Variants in SMAD3 observed in about 807,000 individuals in gnomAD.
The protein encoded by SMAD3 is SMAD family member 3.
A neutral mutation model predicts 51.8 loss-of-function variants in SMAD3; 12 were observed. The ratio of observed to expected loss-of-function variants is 0.23; its 90% CI spans 0.15 to 0.38. The LOEUF (loss-of-function observed/expected upper bound fraction) is 0.38, where lower values mean the gene tolerates loss of function less well. Among genes scored for constraint, SMAD3 ranks in the 10% least tolerant of loss-of-function variants. The pLI, the probability that SMAD3 is intolerant of heterozygous loss-of-function variation, is 1.00. For synonymous variants in SMAD3, 238 were observed against 227.7 expected (o/e 1.05, Z -0.41); for missense variants, 294 against 565.6 (o/e 0.52, Z 4.87).
intron 1 of SMAD3, among the ~76,000 whole-genome samples, chr15:67,071,746 A>C (rs1960058887): frequency 1.3e-5 from 2 of 152,200 alleles, no homozygotes; most frequent in Non-Finnish European, 2.9e-5. Flanking sequence ...CAGGAGGCGG[A>C]GCTTGCAGTG....
chr15:67,131,089 C>T (rs1235686496), intron 1 of SMAD3, among the ~76,000 whole-genome samples: 1 of 152,236 alleles, frequency 6.6e-6, no homozygotes, highest in African/African-American at 2.4e-5. Flanking sequence ...TGGATTCATG[C>T]AGTCACTCAC....
chr15:67,069,862 C>A (rs904733218), intron 1 of SMAD3, among the ~76,000 whole-genome samples: 1 of 152,128 alleles, frequency 6.6e-6, no homozygotes, highest in Non-Finnish European at 1.5e-5. Context: ...CCCGCCACCA[C>A]GCCCAGCTAA....
intron 1 of SMAD3, among the ~76,000 whole-genome samples, chr15:67,072,602 G>A (rs1020465002): frequency 1.1e-4 from 17 of 152,210 alleles, no homozygotes; most frequent in African/African-American, 4.1e-4. Context: ...TGGCTGGCAA[G>A]AGAACTGCCC....
chr15:67,107,489 T>TG (rs1311355408), intron 1 of SMAD3, among the ~76,000 whole-genome samples: 3 of 151,738 alleles, frequency 2.0e-5, no homozygotes, highest in Non-Finnish European at 4.4e-5. Context: ...GCCCTCCTGA[T>TG]GCAGTCTGTG....
At chr15:67,128,667 G>A (rs1173846758) in intron 1 of SMAD3, among the ~76,000 whole-genome samples, 3 of 152,006 alleles carry the variant, frequency 2.0e-5, no homozygotes, top group Admixed American at 6.5e-5. Flanking sequence ...AAACCTCTGG[G>A]CTCAAGAGAT....
chr15:67,089,608 A>AGT (rs1237382873), intron 1 of SMAD3, among the ~76,000 whole-genome samples: 1 of 152,048 alleles, frequency 6.6e-6, no homozygotes, highest in East Asian at 1.9e-4. Context: ...GCCCATGGGG[A>AGT]GTGTGTGTGC....
At chr15:67,168,463 C>T (rs1415176769) in intron 4 of SMAD3, among the ~76,000 whole-genome samples, 4 of 152,218 alleles carry the variant, frequency 2.6e-5, no homozygotes, top group East Asian at 1.9e-4. Flanking sequence ...TCAGTGCAGG[C>T]GTGGGAAGCA....
chr15:67,122,286 G>T (rs1329174494), intron 1 of SMAD3, among the ~76,000 whole-genome samples: 1 of 152,130 alleles, frequency 6.6e-6, no homozygotes, highest in African/African-American at 2.4e-5. Flanking sequence ...TAGGCTTCAG[G>T]GACTCTTCAG....
chr15:67,080,716 T>A (rs989159050), intron 1 of SMAD3, among the ~76,000 whole-genome samples: 1 of 152,260 alleles, frequency 6.6e-6, no homozygotes, highest in African/African-American at 2.4e-5. Context: ...TGCCTTTTCT[T>A]TCTCTTTGAT....
chr15:67,190,389 C>G (rs754503092), intron 8 of SMAD3, 24 bp from the exon 9 acceptor site: 2 of 1,612,494 alleles, frequency 1.2e-6, no homozygotes, highest in South Asian at 2.2e-5. Flanking sequence ...TCCCCCACCC[C>G]ACCCCTTTCC....
chr15:67,115,171 G>A (rs1368960715), intron 1 of SMAD3, among the ~76,000 whole-genome samples: 1 of 152,106 alleles, frequency 6.6e-6, no homozygotes, highest in Non-Finnish European at 1.5e-5. Flanking sequence ...GACAATCTTT[G>A]AATTCCTGGA....
At chr15:67,102,917 C>T (rs1424413504) in intron 1 of SMAD3, among the ~76,000 whole-genome samples, 1 of 152,182 alleles carries the variant, frequency 6.6e-6, no homozygotes, top group Admixed American at 6.5e-5. Flanking sequence ...CTCCCCATTA[C>T]GTTTCCTGGG....
chr15:67,144,481 C>A (rs1961921562), intron 1 of SMAD3, among the ~76,000 whole-genome samples: 1 of 152,090 alleles, frequency 6.6e-6, no homozygotes, highest in African/African-American at 2.4e-5. Flanking sequence ...GTTTAGAATT[C>A]ATTTGGCCCT....
chr15:67,123,666 G>C (rs1483021993), intron 1 of SMAD3, among the ~76,000 whole-genome samples: 2 of 152,236 alleles, frequency 1.3e-5, no homozygotes, highest in Non-Finnish European at 2.9e-5. Context: ...CACTCAGATA[G>C]ACGGGATGCC....
At chr15:67,073,517 T>C (rs990756237) in intron 1 of SMAD3, among the ~76,000 whole-genome samples, 1 of 152,170 alleles carries the variant, frequency 6.6e-6, no homozygotes, top group South Asian at 2.1e-4. Context: ...CAGACCTTGG[T>C]AGGTTCTAGA....
At chr15:67,137,190 AG>A (rs779663760) in intron 1 of SMAD3, among the ~76,000 whole-genome samples, 12 of 152,280 alleles carry the variant, frequency 7.9e-5, no homozygotes, top group Non-Finnish European at 1.6e-4. Context: ...AAAAAGGACA[AG>A]GGTGTTTTTT....
chr15:67,183,515 G>A (rs1231061845), intron 6 of SMAD3, among the ~76,000 whole-genome samples: 1 of 152,152 alleles, frequency 6.6e-6, no homozygotes, highest in Non-Finnish European at 1.5e-5. Context: ...GAAAAAATGG[G>A]GAGTGGTTGG....
intron 1 of SMAD3, among the ~76,000 whole-genome samples, chr15:67,072,463 T>C (rs562248306): frequency 6.6e-6 from 1 of 152,368 alleles, no homozygotes; most frequent in African/African-American, 2.4e-5. Context: ...GTTTTCTTAA[T>C]CAGCAAGTCT....
chr15:67,086,925 C>T (rs1426938822), intron 1 of SMAD3, among the ~76,000 whole-genome samples: 3 of 148,378 alleles, frequency 2.0e-5, no homozygotes, highest in East Asian at 3.9e-4. Context: ...GACGGAGTTT[C>T]GCTCTTGTTG....
Sources: gnomAD v4.1 joint callset for allele counts (sites outside exome capture counted in the v4.1 genomes callset) on GRCh38, gnomAD v4.1.1 for gene constraint, MANE v1.5 for transcripts, NCBI Gene and HGNC (gene_info 2026-07-23, HGNC 2026-07-21) for gene names.